The following TBC1D19 variants were observed in gnomAD, a reference collection of about 807,000 sequenced individuals.
TBC1D19 encodes the protein TBC1 domain family, member 19.
TBC1D19 carries 60 observed loss-of-function variants against 89.0 expected under a neutral mutation model. That is an observed-to-expected ratio of 0.67 (90% CI 0.55 to 0.84). The LOEUF (loss-of-function observed/expected upper bound fraction) is 0.84. Among genes scored for constraint, TBC1D19 ranks in the 40% least tolerant of loss-of-function variants. The pLI is 0.00. For missense variants in TBC1D19, 500 were observed against 610.8 expected, an observed-to-expected ratio of 0.82 and a Z score of 1.91; for synonymous variants, 189 against 199.7, an observed-to-expected ratio of 0.95 and a Z score of 0.45.
chr4:26,740,949 A>T, intron 17 of TBC1D19: 3 of 985,440 alleles, frequency 3.0e-6, no homozygotes, highest in Non-Finnish European at 3.6e-6. Flanking sequence ...TAAACAAATG[A>T]AGCAACACCA....
chr4:26,699,879 G>A (rs1715167682), intron 13 of TBC1D19, among the ~76,000 whole-genome samples: 1 of 151,790 alleles, frequency 6.6e-6, no homozygotes, highest in Non-Finnish European at 1.5e-5. Flanking sequence ...GGGGGGAAGG[G>A]GGAGGGAAAG....
At chr4:26,611,541 A>G (rs956404337) in intron 1 of TBC1D19, among the ~76,000 whole-genome samples, 4 of 152,138 alleles carry the variant, frequency 2.6e-5, no homozygotes, top group South Asian at 2.1e-4. Flanking sequence ...CAATAGCAGT[A>G]GAGTGTTCTT....
intron 3 of TBC1D19, among the ~76,000 whole-genome samples, chr4:26,620,031 A>G (rs1282027678): frequency 6.6e-6 from 1 of 152,184 alleles, no homozygotes; most frequent in East Asian, 1.9e-4. Context: ...TTGAACCATC[A>G]TGTCTTCCTA....
intron 8 of TBC1D19, among the ~76,000 whole-genome samples, chr4:26,664,226 A>G (rs1036829373): frequency 6.6e-6 from 1 of 152,164 alleles, no homozygotes; most frequent in Non-Finnish European, 1.5e-5. Flanking sequence ...AGTTGTTTAT[A>G]TCAGCCTGGA....
intron 15 of TBC1D19, among the ~76,000 whole-genome samples, chr4:26,732,881 G>C (rs752891420): frequency 1.3e-5 from 2 of 152,158 alleles, no homozygotes; most frequent in Non-Finnish European, 2.9e-5. Context: ...GAAATATGAA[G>C]AACAGCCAAA....
chr4:26,727,119 C>T (rs34241157), intron 15 of TBC1D19, among the ~76,000 whole-genome samples: 69,405 of 152,056 alleles, frequency 0.46, 17,607 homozygotes, highest in Admixed American at 0.6. Context: ...CCCCAAGCAT[C>T]CTGACGCCTG....
rs1395687036 is a variant in TBC1D19, at chr4:26,755,656, A to G, written c.*709A>G. The stretch of plus-strand genomic sequence containing the variant: ...CTTCTCAACCTTCCTTCTCTTGCTT[A>G]GAAGACTTGACATTGCCGATGCTTG... On this transcript the variant is annotated 3_prime_UTR_variant, in exon 21 of 21. Coordinates refer to ENST00000264866, the MANE Select transcript of TBC1D19 (RefSeq NM_018317.4). Among the ~76,000 whole-genome samples, 6 of 152,198 alleles carry G rather than the reference A, an allele frequency of 3.9e-5. No individual in the cohort carries two copies. Among genetic ancestry groups the G allele is most frequent in the Non-Finnish European group, 7.4e-5 (5 of 68,026 alleles).
chr4:26,663,223 A>T (rs948212297), intron 8 of TBC1D19: 1 of 152,354 alleles, frequency 6.6e-6, no homozygotes. Context: ...TTAATTATAA[A>T]CAGTGTGGAA....
rs769339979 is a variant in TBC1D19 at position 26,739,866 on chromosome 4, G to A, written c.1120G>A (p.Ala374Thr). The A allele has an allele frequency of 6.5e-7, 1 of 1,542,920 alleles. No individual in the cohort carries two copies. The highest frequency in any genetic ancestry group is 8.7e-7 in the Non-Finnish European group (1 of 1,146,816). The part of the protein sequence containing the change: ...IPFHGFSMYV[A>T]PLCFLYHEPS... ...ATAAATTAATTTTTTTCTTTCAGTT[G>A]CACCACTTTGTTTTCTATACCATGA... The change falls in exon 17 of 21, where the codon GCA becomes ACA. Residue 374 changes from alanine to threonine, a missense_variant and splice_region_variant. Physicochemically the swap from Ala to Thr is moderately conservative, Grantham distance 58. Coordinates refer to ENST00000264866, the MANE Select transcript of TBC1D19 (RefSeq NM_018317.4).
In TBC1D19 at chr4:26,683,667, A is replaced by C. The variant is rs574301053; in HGVS notation, c.817-8A>C. 7 of 1,599,986 alleles carry C rather than the reference A, an allele frequency of 4.4e-6. No individual in the cohort carries two copies. In the East Asian group the frequency reaches 6.7e-5, roughly 15 times the overall value. On this transcript the variant is annotated splice_region_variant and splice_polypyrimidine_tract_variant and intron_variant, in intron 11 of 20. Transcript: ENST00000264866. ...CCTTTAATTTTTTTGTTTTACTTTT[A>C]AATTTAGGATGTCTTGTATTATGAG...
chr4:26,666,749 G>A (rs969943670), intron 9 of TBC1D19, among the ~76,000 whole-genome samples: 42 of 151,880 alleles, frequency 2.8e-4, no homozygotes, highest in Admixed American at 2.6e-3. Context: ...GAACACTGAC[G>A]TCTACCTTGA....
Position 26,732,565 on chromosome 4 carries a change from G to T in TBC1D19, c.1085-2890G>T, listed in dbSNP as rs188038119. The stretch of plus-strand genomic sequence containing the variant: ...CAGCAAGGGGGAAGGGATGGTTGAT[G>T]GGGCAGGAGTCCGAAGCAGGGTTTG... On this transcript the variant is annotated intron_variant, in intron 15 of 20. Coordinates refer to ENST00000264866, the MANE Select transcript of TBC1D19 (RefSeq NM_018317.4). Among the ~76,000 whole-genome samples, 106 of 152,334 alleles carry T rather than the reference G, an allele frequency of 7.0e-4. 1 individual carries two copies. In the Middle Eastern group the frequency reaches 0.01, roughly 15 times the overall value.
At chr4:26,823,132 G>A in the TBC1D19 span, among the ~76,000 whole-genome samples, 6 of 152,326 alleles carry the variant, frequency 3.9e-5, no homozygotes, top group Middle Eastern at 3.4e-3. Flanking sequence ...AAGGCAAGGA[G>A]GAGCAAGTCA....
At chr4:26,824,676 T>C in the TBC1D19 span, among the ~76,000 whole-genome samples, 16 of 152,050 alleles carry the variant, frequency 1.1e-4, no homozygotes, top group African/African-American at 2.9e-4. Context: ...ATTTTCTTTC[T>C]TTCTTTCTTT....
At chr4:26,674,040 A>G (rs1038576373) in intron 11 of TBC1D19, 152 bp downstream of exon 11, 2 of 512,076 alleles carry the variant, frequency 3.9e-6, no homozygotes, top group Non-Finnish European at 7.0e-6. Flanking sequence ...AGGTTCTAAA[A>G]TAAGATTTAA....
At chr4:26,667,661 GTA>G (rs1711932407) in intron 9 of TBC1D19, among the ~76,000 whole-genome samples, 1 of 151,994 alleles carries the variant, frequency 6.6e-6, no homozygotes. Flanking sequence ...GATCATTCTA[GTA>G]TGTGTTTTTT....
rs925904201 is a variant in TBC1D19, at chr4:26,740,684, C to CT, written c.1227+718dup. 28 of 984,986 alleles carry CT rather than the reference C, an allele frequency of 2.8e-5. No individual in the cohort carries two copies. In the African/African-American group the frequency reaches 3.5e-4, roughly 12 times the overall value. The allele number at this position is 984,986 out of a possible 1,614,324, so 61.0% of individuals were successfully genotyped here. On this transcript the variant is annotated intron_variant, in intron 17 of 20. Transcript: ENST00000264866. The stretch of plus-strand genomic sequence containing the variant: ...CAGTATTTATTTTATTTCAGTTATG[C>CT]TTTTTTTCCCCCTTTGGACCTGCTG...
At chr4:26,610,871 C>T (rs1441555368) in intron 1 of TBC1D19, among the ~76,000 whole-genome samples, 1 of 152,158 alleles carries the variant, frequency 6.6e-6, no homozygotes, top group South Asian at 2.1e-4. Context: ...AGGTTGATTC[C>T]ATTTCTTTGC....
In TBC1D19 at chr4:26,688,366, A is replaced by T; in HGVS notation, c.913A>T (p.Asn305Tyr). The T allele has an allele frequency of 6.4e-7, 1 of 1,569,922 alleles. No individual in the cohort carries two copies. Residue 305 changes from asparagine (N) to tyrosine (Y), a missense_variant, in exon 13 of 21, where the codon AAT (asparagine) becomes TAT (tyrosine). Asn to Tyr is a moderately radical substitution (Grantham distance 143, BLOSUM62 -2). Coordinates refer to ENST00000264866, the MANE Select transcript of TBC1D19 (RefSeq NM_018317.4). ...IYKDVKLTAS[N>Y]DDYYFVFEDY... ...ATAGGATGTGAAGTTGACAGCAAGC[A>T]ATGATGATTATTATTTTGTATTTGA...
Sources: allele counts gnomAD v4.1 joint callset (sites outside exome capture counted in the v4.1 genomes callset), GRCh38; gene constraint gnomAD v4.1.1; transcripts MANE v1.5; gene names NCBI Gene and HGNC (gene_info 2026-07-23, HGNC 2026-07-21).